DAB1: variants seen among roughly 807,000 people sequenced by gnomAD.
DAB1 encodes disabled homolog 1.
DAB1 carries 15 observed loss-of-function variants against 64.6 expected under a neutral mutation model. That is an observed-to-expected ratio of 0.23 (90% CI 0.16 to 0.36). The LOEUF (loss-of-function observed/expected upper bound fraction) is 0.36. DAB1 is among the 10% of genes least tolerant of loss of function. The pLI is 1.00. For missense variants in DAB1, 596 were observed against 706.7 expected (o/e 0.84, Z 1.78); for synonymous variants, 235 against 251.9 (o/e 0.93, Z 0.64).
chr1:57,222,252 T>G (rs1666938000), intron 2 of DAB1, among the ~76,000 whole-genome samples: 1 of 152,202 alleles, frequency 6.6e-6, no homozygotes, highest in South Asian at 2.1e-4. Context: ...CTTTCCTTCC[T>G]TCCTTGCTCC....
At chr1:58,205,357 T>C (rs1028275086) in intron 4 of DAB1, among the ~76,000 whole-genome samples, 2 of 152,200 alleles carry the variant, frequency 1.3e-5, no homozygotes, top group African/African-American at 4.8e-5. Context: ...AAGGTCTTTT[T>C]ACTCCATGGC....
chr1:57,127,836 C>A (rs1465944655), intron 4 of DAB1, among the ~76,000 whole-genome samples: 1 of 152,056 alleles, frequency 6.6e-6, no homozygotes, highest in Non-Finnish European at 1.5e-5. Context: ...CAGTACTCAA[C>A]AAATGGTAGC....
chr1:57,265,124 C>G (rs1670490386), intron 2 of DAB1, among the ~76,000 whole-genome samples: 1 of 152,206 alleles, frequency 6.6e-6, no homozygotes, highest in African/African-American at 2.4e-5. Flanking sequence ...CCCAGCTCTC[C>G]TGGTACCCCA....
intron 7 of DAB1, among the ~76,000 whole-genome samples, chr1:57,568,657 C>T (rs2101527132): frequency 6.6e-6 from 1 of 152,256 alleles, no homozygotes; most frequent in South Asian, 2.1e-4. Flanking sequence ...TTTTATGCAG[C>T]CAACAGACAC....
intron 7 of DAB1, among the ~76,000 whole-genome samples, chr1:57,491,517 A>G (rs1411145335): frequency 6.6e-6 from 1 of 152,258 alleles, no homozygotes; most frequent in East Asian, 1.9e-4. Context: ...AAATAAAAAA[A>G]TATAATAAAC....
intron 4 of DAB1, among the ~76,000 whole-genome samples, chr1:57,091,906 A>G (rs1302113542): frequency 1.3e-5 from 2 of 152,186 alleles, no homozygotes; most frequent in African/African-American, 4.8e-5. Context: ...TACAGTTGAG[A>G]GCACTCCGTA....
intron 3 of DAB1, among the ~76,000 whole-genome samples, chr1:58,454,139 C>T (rs1645167068): frequency 6.6e-6 from 1 of 152,170 alleles, no homozygotes; most frequent in Admixed American, 6.5e-5. Flanking sequence ...GGGCATTCAC[C>T]TCTGGCCCAA....
intron 6 of DAB1, among the ~76,000 whole-genome samples, chr1:57,699,913 A>G (rs144241968): frequency 0.012 from 1,792 of 152,302 alleles, 27 homozygotes; most frequent in South Asian, 0.072. Flanking sequence ...GTCCATCTCA[A>G]AGAAAAAAAA....
chr1:58,483,329 T>C (rs917422398), intron 3 of DAB1, among the ~76,000 whole-genome samples: 1 of 152,134 alleles, frequency 6.6e-6, no homozygotes, highest in Non-Finnish European at 1.5e-5. Context: ...CACAGGTTCT[T>C]GTATGCTAAC....
At chr1:57,071,442 GAGA>G (rs1286553324) in intron 6 of DAB1, 77 bp downstream of exon 6, 2 of 1,495,956 alleles carry the variant, frequency 1.3e-6, no homozygotes, top group African/African-American at 1.4e-5. Context: ...GCAGCAGGAA[GAGA>G]AGGCCTGACT....
At chr1:57,522,241 T>G (rs972300882) in intron 7 of DAB1, among the ~76,000 whole-genome samples, 2 of 152,096 alleles carry the variant, frequency 1.3e-5, no homozygotes, top group African/African-American at 4.8e-5. Flanking sequence ...TACAGAACAG[T>G]TAGACAGCCA....
intron 3 of DAB1, among the ~76,000 whole-genome samples, chr1:58,426,540 G>A (rs1644823394): frequency 6.6e-6 from 1 of 152,204 alleles, no homozygotes; most frequent in Non-Finnish European, 1.5e-5. Context: ...CCAATGGCGT[G>A]GTTCTAGGCT....
At chr1:57,875,239 G>A (rs1413744909) in intron 1 of DAB1, 1 of 152,232 alleles carries the variant, frequency 6.6e-6, no homozygotes, top group Non-Finnish European at 1.5e-5. Flanking sequence ...AGTTCCTTAT[G>A]TCTGGTTCTT....
chr1:57,013,976 C>G (rs41286860), intron 12 of DAB1, among the ~76,000 whole-genome samples: 2 of 152,178 alleles, frequency 1.3e-5, no homozygotes, highest in African/African-American at 4.8e-5. Flanking sequence ...AGAAGTCATA[C>G]GCTTGCCCAA....
At chr1:57,159,856 C>CAAAAAAAAGAAAAAAAA (rs1660576473) in intron 2 of DAB1, among the ~76,000 whole-genome samples, 1 of 86,346 alleles carries the variant, frequency 1.2e-5, no homozygotes, top group Non-Finnish European at 2.2e-5. Context: ...AGCAGCAAGA[C>CAAAAAAAAGAAAAAAAA]AAAAAAAAAA....
At chr1:58,247,006 A>G (rs748094361) in intron 4 of DAB1, among the ~76,000 whole-genome samples, 6 of 152,154 alleles carry the variant, frequency 3.9e-5, no homozygotes, top group Non-Finnish European at 8.8e-5. Context: ...GAATTTGAAC[A>G]GTATGCCTTG....
At chr1:58,158,570 G>A (rs1655342680) in intron 4 of DAB1, among the ~76,000 whole-genome samples, 1 of 152,134 alleles carries the variant, frequency 6.6e-6, no homozygotes, top group Non-Finnish European at 1.5e-5. Context: ...ACTCGAAGGT[G>A]GGAGTACAGC....
At chr1:57,856,134 C>T (rs946753921) in intron 1 of DAB1, among the ~76,000 whole-genome samples, 2 of 152,132 alleles carry the variant, frequency 1.3e-5, no homozygotes, top group African/African-American at 4.8e-5. Context: ...CTGGGACTGG[C>T]TGAGGCCCCT....
chr1:58,301,872 G>A (rs944937958), intron 4 of DAB1, among the ~76,000 whole-genome samples: 1 of 152,120 alleles, frequency 6.6e-6, no homozygotes, highest in African/African-American at 2.4e-5. Flanking sequence ...ACCCTATAGG[G>A]TTGTGGTAAG....
Sources: gnomAD v4.1 joint callset for allele counts (sites outside exome capture counted in the v4.1 genomes callset) on GRCh38, gnomAD v4.1.1 for gene constraint, MANE v1.5 for transcripts, NCBI Gene and HGNC (gene_info 2026-07-23, HGNC 2026-07-21) for gene names.